ZNF567: variants seen among roughly 807,000 people sequenced by gnomAD.
ZNF567 encodes the protein zinc finger protein 567.
Under a neutral mutation model 53.9 loss-of-function variants are expected in ZNF567, and 36 were observed. The ratio of observed to expected loss-of-function variants is 0.67; its 90% CI spans 0.51 to 0.88. The LOEUF (loss-of-function observed/expected upper bound fraction) is 0.88, where lower values mean the gene tolerates loss of function less well. Among genes scored for constraint, ZNF567 ranks in the 40% least tolerant of loss-of-function variants. The pLI, the probability that ZNF567 is intolerant of heterozygous loss-of-function variation, is 0.00. For missense variants in ZNF567, 619 were observed against 764.7 expected, an observed-to-expected ratio of 0.81 and a Z score of 2.25; for synonymous variants, 224 against 260.4, an observed-to-expected ratio of 0.86 and a Z score of 1.35.
At chr19:36,711,602 A>G (rs1006838966) in intron 3 of ZNF567, 3 of 152,196 alleles carry the variant, frequency 2.0e-5, no homozygotes, top group African/African-American at 7.2e-5. Context: ...TACTCTGTTA[A>G]TGCTGCATGC....
At chr19:36,682,573 T>C in the ZNF567 span, among the ~76,000 whole-genome samples, 1 of 149,112 alleles carries the variant, frequency 6.7e-6, no homozygotes, top group Non-Finnish European at 1.5e-5. Context: ...GGCGGTTGCA[T>C]GGGTTTTTTT....
the ZNF567 span, among the ~76,000 whole-genome samples, chr19:36,679,286 CCCCAAAAAAA>C: frequency 6.6e-6 from 1 of 152,058 alleles, no homozygotes; most frequent in Non-Finnish European, 1.5e-5. Flanking sequence ...ACTCCATCCC[CCCCAAAAAAA>C]CCACAGTGAG....
At chr19:36,702,993 G>A (rs1054477441) in intron 3 of ZNF567, among the ~76,000 whole-genome samples, 7 of 152,226 alleles carry the variant, frequency 4.6e-5, no homozygotes, top group African/African-American at 1.4e-4. Flanking sequence ...TGGAGGAGGA[G>A]AGGTGCTCTG....
upstream of ZNF567, among the ~76,000 whole-genome samples, chr19:36,684,534 G>T (rs758362497): frequency 6.6e-6 from 1 of 152,000 alleles, no homozygotes; most frequent in African/African-American, 2.4e-5. Context: ...TGCCTTAAAG[G>T]TCCTAAATCT....
Position 36,720,467 on chromosome 19 carries a change from A to G in ZNF567, c.1743A>G (p.Arg581=), listed in dbSNP as rs2040261606. ...AGTCATATCTCATTCATCATCAAAG[A>G]ACTCATACGGGAGAGAAACCATATA... ...SRKSYLIHHQ[R]THTGEKPYKC... is the part of the protein sequence containing the mutation. Residue 581 remains arginine (R), a synonymous_variant, in exon 6 of 6, where the codon AGA becomes AGG. Transcript: ENST00000682579. 2 of 1,614,008 alleles carry G rather than the reference A, an allele frequency of 1.2e-6. No individual in the cohort carries two copies. Among genetic ancestry groups the G allele is most frequent in the South Asian group, 1.1e-5 (1 of 91,076 alleles).
Position 36,720,464 on chromosome 19 carries a change from A to G in ZNF567, c.1740A>G (p.Gln580=), listed in dbSNP as rs529956728. ...FSRKSYLIHH[Q]RTHTGEKPYK... ...GGAAGTCATATCTCATTCATCATCAAAGAACTCATACGGGAGAGAAACCAT... is the reference window on the plus strand; with the variant it reads ...GGAAGTCATATCTCATTCATCATCAGAGAACTCATACGGGAGAGAAACCAT... Residue 580 remains glutamine (Q), a synonymous_variant, in exon 6 of 6, where the codon CAA becomes CAG. Transcript: ENST00000682579. The G allele has an allele frequency of 1.9e-6, 3 of 1,612,940 alleles. No individual in the cohort carries two copies. The highest frequency in any genetic ancestry group is 2.2e-5 in the South Asian group (2 of 90,908).
At chr19:36,709,019 A>G (rs2145796373) in intron 3 of ZNF567, among the ~76,000 whole-genome samples, 1 of 152,164 alleles carries the variant, frequency 6.6e-6, no homozygotes, top group East Asian at 1.9e-4. Flanking sequence ...TTATAGTTTC[A>G]TTTATTAATA....
intron 5 of ZNF567, 48 bp from the exon 6 acceptor site, chr19:36,718,900 G>A (rs2040188360): frequency 6.9e-7 from 1 of 1,446,268 alleles, no homozygotes; most frequent in Non-Finnish European, 9.3e-7. Context: ...CTTTGCATAG[G>A]AAATGTGTGA....
chr19:36,707,999 G>A (rs181918415), intron 3 of ZNF567, among the ~76,000 whole-genome samples: 17 of 151,998 alleles, frequency 1.1e-4, no homozygotes, highest in Non-Finnish European at 1.5e-4. Flanking sequence ...GGGCTCAAGC[G>A]ATCCCCCCAC....
At chr19:36,705,824 CCT>C (rs2039462152) in intron 3 of ZNF567, among the ~76,000 whole-genome samples, 1 of 152,034 alleles carries the variant, frequency 6.6e-6, no homozygotes, top group African/African-American at 2.4e-5. Flanking sequence ...ATTGTTGTAT[CCT>C]CTCATGAATT....
At chr19:36,690,761 C>G (rs763417637) in intron 2 of ZNF567, among the ~76,000 whole-genome samples, 3 of 152,164 alleles carry the variant, frequency 2.0e-5, no homozygotes, top group Non-Finnish European at 4.4e-5. Flanking sequence ...AATATACCAA[C>G]AACCATTGAA....
chr19:36,709,485 C>T (rs918955000), intron 3 of ZNF567, among the ~76,000 whole-genome samples: 2 of 152,134 alleles, frequency 1.3e-5, no homozygotes, highest in Non-Finnish European at 2.9e-5. Flanking sequence ...CTTTAGGCCC[C>T]ACCACCCCTT....
upstream of ZNF567, among the ~76,000 whole-genome samples, chr19:36,684,626 A>G (rs2038233667): frequency 6.6e-6 from 1 of 152,100 alleles, no homozygotes; most frequent in African/African-American, 2.4e-5. Context: ...CTGTTAACCA[A>G]CCTCTTCACG....
downstream of ZNF567, among the ~76,000 whole-genome samples, chr19:36,722,535 C>T (rs1452277489): frequency 3.9e-5 from 6 of 152,092 alleles, no homozygotes; most frequent in Admixed American, 1.3e-4. Context: ...CTCCTGACCT[C>T]GTGATCCATC....
At chr19:36,680,958 G>C in the ZNF567 span, among the ~76,000 whole-genome samples, 2 of 152,112 alleles carry the variant, frequency 1.3e-5, no homozygotes, top group East Asian at 3.8e-4. Flanking sequence ...AATTTCATCT[G>C]CAAAGACCCT....
At chr19:36,724,618 A>G (rs1568724904), downstream of ZNF567, among the ~76,000 whole-genome samples, 1 of 149,562 alleles carries the variant, frequency 6.7e-6, no homozygotes, top group East Asian at 2.0e-4. Flanking sequence ...GCAGGTGGAC[A>G]TTGTAGTGAG....
Position 36,720,429 on chromosome 19 carries a change from G to A in ZNF567, c.1705G>A (p.Ala569Thr). The A allele has an allele frequency of 6.2e-7, 1 of 1,613,992 alleles. No individual in the cohort carries two copies. Reference sequence around the variant, plus strand: ...CTATGAATGTCCTCAGTGTGGGAAAGCCTTTAGCAGGAAGTCATATCTCAT... The same window carrying A: ...CTATGAATGTCCTCAGTGTGGGAAAACCTTTAGCAGGAAGTCATATCTCAT... ...KSYECPQCGK[A>T]FSRKSYLIHH... The change falls in exon 6 of 6, where the codon GCC becomes ACC. Residue 569 changes from alanine (A) to threonine (T), a missense_variant. Ala to Thr is a moderately conservative substitution (Grantham distance 58, BLOSUM62 0). Coordinates refer to ENST00000682579, the MANE Select transcript of ZNF567 (RefSeq NM_001322917.1).
chr19:36,712,167 C>T (rs1408408555), intron 3 of ZNF567: 1 of 420,400 alleles, frequency 2.4e-6, no homozygotes, highest in Non-Finnish European at 4.4e-6. Context: ...CTGCCTCAGC[C>T]TCCCATGTAA....
At chr19:36,713,693 G>A (rs183460285) in intron 5 of ZNF567, among the ~76,000 whole-genome samples, 235 of 152,188 alleles carry the variant, frequency 1.5e-3, no homozygotes, top group African/African-American at 5.0e-3. Context: ...CTAGCACTTC[G>A]GGAGGCTGAG....
Sources: gnomAD v4.1 joint callset for allele counts (sites outside exome capture counted in the v4.1 genomes callset) on GRCh38, gnomAD v4.1.1 for gene constraint, MANE v1.5 for transcripts, NCBI Gene and HGNC (gene_info 2026-07-23, HGNC 2026-07-21) for gene names.